ASPH: variants seen among roughly 807,000 people sequenced by gnomAD.
ASPH encodes aspartate beta-hydroxylase.
A neutral mutation model predicts 118.4 loss-of-function variants in ASPH; 100 were observed. The ratio of observed to expected loss-of-function variants is 0.84; its 90% CI spans 0.72 to 1.00. ASPH has a LOEUF of 1.00. ASPH is among the 50% of genes least tolerant of loss of function. ASPH has a pLI of 0.00. For synonymous variants in ASPH, 315 were observed against 325.6 expected (o/e 0.97, Z 0.35); for missense variants, 920 against 919.5 (o/e 1.00, Z -0.01).
intron 22 of ASPH, 87 bp from the exon 23 acceptor site, chr8:61,518,210 C>T (rs1357386619): frequency 8.9e-7 from 1 of 1,123,690 alleles, no homozygotes; most frequent in African/African-American, 1.6e-5. Flanking sequence ...TATATGTCAT[C>T]CTCACTGCAG....
At chr8:61,702,267 C>T (rs1589310375) in intron 1 of ASPH, among the ~76,000 whole-genome samples, 2 of 149,582 alleles carry the variant, frequency 1.3e-5, no homozygotes, top group South Asian at 4.2e-4. Context: ...TGAGTTTTAC[C>T]AAATAGCTAC....
chr8:61,578,897 G>C, intron 15 of ASPH: 1 of 1,612,432 alleles, frequency 6.2e-7, no homozygotes, highest in Non-Finnish European at 8.5e-7. Flanking sequence ...TCCTCAGGCA[G>C]CTGTACGAAA....
At chr8:61,574,842 A>T (rs1834602699) in intron 16 of ASPH, among the ~76,000 whole-genome samples, 1 of 152,192 alleles carries the variant, frequency 6.6e-6, no homozygotes. Flanking sequence ...CTTAAAGTAT[A>T]AAAACAAACA....
At chr8:61,676,811 TC>T in intron 3 of ASPH, among the ~76,000 whole-genome samples, 1 of 152,028 alleles carries the variant, frequency 6.6e-6, no homozygotes, top group South Asian at 2.1e-4. Context: ...CTCAAACTTC[TC>T]CCCTCCCCCC....
chr8:61,507,707 C>T (rs61397046), intron 24 of ASPH, among the ~76,000 whole-genome samples: 40,765 of 152,020 alleles, frequency 0.27, 7,425 homozygotes, highest in African/African-American at 0.49. Context: ...GATGTCAAAT[C>T]GCTTCTGACT....
At chr8:61,575,280 T>C (rs1834759180) in intron 16 of ASPH, among the ~76,000 whole-genome samples, 1 of 152,228 alleles carries the variant, frequency 6.6e-6, no homozygotes, top group African/African-American at 2.4e-5. Context: ...TCTTAATACT[T>C]TATAATGTTC....
At chr8:61,628,916 A>T (rs1854266917) in intron 13 of ASPH, among the ~76,000 whole-genome samples, 1 of 152,236 alleles carries the variant, frequency 6.6e-6, no homozygotes, top group South Asian at 2.1e-4. Flanking sequence ...ACAACAATAT[A>T]TATATAAAGC....
intron 3 of ASPH, among the ~76,000 whole-genome samples, chr8:61,662,623 T>C (rs1157140217): frequency 6.6e-6 from 1 of 152,138 alleles, no homozygotes; most frequent in African/African-American, 2.4e-5. Flanking sequence ...TTGGATAAAG[T>C]GTGACTTCAA....
chr8:61,590,345 AG>A (rs1263550322), intron 14 of ASPH, among the ~76,000 whole-genome samples: 3 of 152,130 alleles, frequency 2.0e-5, no homozygotes, highest in Admixed American at 1.3e-4. Flanking sequence ...TGACTACAAA[AG>A]GGCAGTGGCA....
chr8:61,635,914 C>T (rs1857521175), intron 12 of ASPH, among the ~76,000 whole-genome samples: 1 of 152,130 alleles, frequency 6.6e-6, no homozygotes, highest in African/African-American at 2.4e-5. Context: ...AATTCACTTT[C>T]ACATCTAAAA....
At chr8:61,641,367 T>C (rs559564818) in intron 10 of ASPH, among the ~76,000 whole-genome samples, 1 of 152,244 alleles carries the variant, frequency 6.6e-6, no homozygotes, top group East Asian at 1.9e-4. Flanking sequence ...ATGAGGAAAA[T>C]ATCTCAAATC....
intron 13 of ASPH, among the ~76,000 whole-genome samples, chr8:61,628,841 T>C (rs1361862086): frequency 1.2e-4 from 19 of 152,212 alleles, no homozygotes; most frequent in Admixed American, 1.2e-3. Context: ...GTATCTTCAC[T>C]GGCCAGCACA....
intron 10 of ASPH, among the ~76,000 whole-genome samples, chr8:61,642,467 T>C (rs982650104): frequency 3.3e-5 from 5 of 152,344 alleles, no homozygotes; most frequent in Non-Finnish European, 5.9e-5. Context: ...CTACCGTTCA[T>C]CTGGATGTTT....
intron 19 of ASPH, among the ~76,000 whole-genome samples, chr8:61,553,910 T>A (rs1314547017): frequency 6.6e-6 from 1 of 152,178 alleles, no homozygotes; most frequent in Non-Finnish European, 1.5e-5. Context: ...TATCTTTCAC[T>A]AGGAAGAAAT....
intron 8 of ASPH, 86 bp downstream of exon 8, chr8:61,643,859 A>T: frequency 9.9e-7 from 1 of 1,012,712 alleles, no homozygotes; most frequent in Admixed American, 2.0e-5. Flanking sequence ...TCTGTGTTGA[A>T]TCACAATTGT....
intron 13 of ASPH, 84 bp from the exon 14 acceptor site, chr8:61,619,103 T>A (rs1850011132): frequency 1.0e-6 from 1 of 972,252 alleles, no homozygotes; most frequent in Non-Finnish European, 1.5e-6. Context: ...TTAAATGAAT[T>A]CAATAAGTAT....
chr8:61,567,368 G>C lies in ASPH; in HGVS notation c.1150-50C>G, dbSNP rs764152094. ...AAATGTCCCATGACTAGCTGTGTTT[G>C]TAATTACCCAAAATATTCATAAAAA... On this transcript the variant is annotated intron_variant, in intron 16 of 24. Coordinates refer to ENST00000379454, the MANE Select transcript of ASPH (RefSeq NM_004318.4). 3.3e-6 allele frequency: 5 copies of C among 1,530,908 alleles called. No homozygotes were observed. The African/African-American group carries it at 5.6e-5, about 17-fold the overall frequency. 94.8% of individuals were successfully genotyped at this position (1,530,908 alleles called of 1,614,324 possible).
At chr8:61,556,099 CA>C in intron 18 of ASPH, 77 bp from the exon 19 acceptor site, 4 of 1,257,058 alleles carry the variant, frequency 3.2e-6, no homozygotes, top group Non-Finnish European at 4.5e-6. Flanking sequence ...AGATGACTGT[CA>C]AAACCAGTTT....
chr8:61,585,876 C>T (rs926035273), intron 14 of ASPH, among the ~76,000 whole-genome samples: 1 of 152,182 alleles, frequency 6.6e-6, no homozygotes, highest in Non-Finnish European at 1.5e-5. Context: ...CTAAACTTTT[C>T]TGGGTCTCAC....
Sources: allele counts gnomAD v4.1 joint callset (sites outside exome capture counted in the v4.1 genomes callset), GRCh38; gene constraint gnomAD v4.1.1; transcripts MANE v1.5; gene names NCBI Gene and HGNC (gene_info 2026-07-23, HGNC 2026-07-21).